Variants in EXOC6B observed in about 807,000 individuals in gnomAD.
The protein encoded by EXOC6B is exocyst complex component 6B.
A neutral mutation model predicts 113.5 loss-of-function variants in EXOC6B; 54 were observed. The observed-to-expected ratio is 0.48, with a 90% CI of 0.38 to 0.60. The LOEUF is 0.60. Among genes scored for constraint, EXOC6B ranks in the 20% least tolerant of loss-of-function variants. The pLI is 0.00. For synonymous variants in EXOC6B, 357 were observed against 339.0 expected (o/e 1.05, Z -0.58); for missense variants, 797 against 977.5 (o/e 0.82, Z 2.46).
intron 17 of EXOC6B, among the ~76,000 whole-genome samples, chr2:72,468,508 G>C (rs1456021131): frequency 6.6e-6 from 1 of 152,140 alleles, no homozygotes; most frequent in Non-Finnish European, 1.5e-5. Context: ...TGGTCTGTAT[G>C]TTTTTACGCC....
intron 6 of EXOC6B, among the ~76,000 whole-genome samples, chr2:72,587,759 T>C (rs1051762311): frequency 4.0e-4 from 61 of 152,148 alleles, no homozygotes; most frequent in Admixed American, 2.0e-4. Context: ...GGAGAAAATA[T>C]TCACTAATCA....
At chr2:72,268,908 A>G (rs1684305005) in intron 20 of EXOC6B, among the ~76,000 whole-genome samples, 1 of 152,164 alleles carries the variant, frequency 6.6e-6, no homozygotes, top group Non-Finnish European at 1.5e-5. Context: ...CTACAGAACA[A>G]TGAACCAATT....
intron 5 of EXOC6B, among the ~76,000 whole-genome samples, chr2:72,729,130 C>A (rs1031350927): frequency 6.6e-6 from 1 of 151,830 alleles, no homozygotes; most frequent in Non-Finnish European, 1.5e-5. Flanking sequence ...CTTTTTTAGA[C>A]ACAAAACAAA....
intron 18 of EXOC6B, among the ~76,000 whole-genome samples, chr2:72,394,148 T>C (rs1692571485): frequency 6.6e-6 from 1 of 152,206 alleles, no homozygotes; most frequent in African/African-American, 2.4e-5. Flanking sequence ...TTATTACAAC[T>C]TTTATTCCTA....
At chr2:72,627,496 GT>G (rs1434806670) in intron 6 of EXOC6B, among the ~76,000 whole-genome samples, 5 of 152,190 alleles carry the variant, frequency 3.3e-5, no homozygotes, top group East Asian at 1.9e-4. Context: ...TGATAGGTAA[GT>G]TTTTTGGATA....
intron 1 of EXOC6B, among the ~76,000 whole-genome samples, chr2:72,781,389 G>A (rs1272988068): frequency 3.3e-5 from 5 of 152,152 alleles, no homozygotes; most frequent in Non-Finnish European, 7.3e-5. Flanking sequence ...AGTCCATTGT[G>A]GGTCAGCAGG....
Position 72,443,055 on chromosome 2 carries a change from G to C in EXOC6B, c.1980+22105C>G, listed in dbSNP as rs183356298. On this transcript the variant is annotated intron_variant, in intron 18 of 21. Coordinates refer to ENST00000272427, the MANE Select transcript of EXOC6B (RefSeq NM_015189.3). Reference sequence around the variant, plus strand: ...AAGAAAAGACACATAGGCAGGGCGCGGTGCCTCACGCCTGTAATCCCAGCA... The same window carrying C: ...AAGAAAAGACACATAGGCAGGGCGCCGTGCCTCACGCCTGTAATCCCAGCA... 6.2e-4 allele frequency among the ~76,000 whole-genome samples: 95 copies of C among 152,106 alleles called. 4 individuals carry two copies. In the East Asian group the frequency reaches 0.014, roughly 22 times the overall value.
At chr2:72,516,536 CG>C (rs1375347236) in intron 8 of EXOC6B, among the ~76,000 whole-genome samples, 3 of 152,104 alleles carry the variant, frequency 2.0e-5, no homozygotes, top group Admixed American at 6.6e-5. Flanking sequence ...CCACCACGCC[CG>C]GCCCTGAATT....
At chr2:72,766,087 T>C (rs1573760614) in intron 1 of EXOC6B, among the ~76,000 whole-genome samples, 2 of 152,140 alleles carry the variant, frequency 1.3e-5, no homozygotes, top group South Asian at 2.1e-4. Context: ...TTAGGTAGTA[T>C]TGAGGTATAA....
chr2:72,498,672 A>G (rs1205290155), intron 12 of EXOC6B, 121 bp from the exon 13 acceptor site: 4 of 600,652 alleles, frequency 6.7e-6, no homozygotes, highest in Non-Finnish European at 8.6e-6. Context: ...TTTGAACAGC[A>G]AATTAAATAA....
chr2:72,717,985 C>A, intron 6 of EXOC6B, 118 bp downstream of exon 6: 1 of 698,866 alleles, frequency 1.4e-6, no homozygotes, highest in Non-Finnish European at 2.3e-6. Context: ...TGAAGGACTT[C>A]CCTAAAATGA....
At chr2:72,273,773 G>A (rs1307743967) in intron 20 of EXOC6B, among the ~76,000 whole-genome samples, 1 of 152,126 alleles carries the variant, frequency 6.6e-6, no homozygotes, top group Non-Finnish European at 1.5e-5. Flanking sequence ...CTTCCTTGGA[G>A]GTGATAGACC....
intron 6 of EXOC6B, among the ~76,000 whole-genome samples, chr2:72,642,488 G>A (rs562275478): frequency 0.05 from 7,173 of 144,154 alleles, 251 homozygotes; most frequent in Non-Finnish European, 0.081. Context: ...ATCTTTGACA[G>A]ACCTGAGAAA....
At chr2:72,566,696 G>GT (rs1003776113) in intron 7 of EXOC6B, among the ~76,000 whole-genome samples, 3 of 151,870 alleles carry the variant, frequency 2.0e-5, no homozygotes, top group South Asian at 2.1e-4. Context: ...GGTAATGTCA[G>GT]TTTTTTTTAT....
intron 6 of EXOC6B, among the ~76,000 whole-genome samples, chr2:72,665,277 T>C (rs1675309468): frequency 6.6e-6 from 1 of 152,104 alleles, no homozygotes. Context: ...GGAAAAAATA[T>C]TTGAAGATAT....
intron 7 of EXOC6B, among the ~76,000 whole-genome samples, chr2:72,559,778 G>A (rs1228746489): frequency 6.6e-6 from 1 of 152,178 alleles, no homozygotes; most frequent in African/African-American, 2.4e-5. Context: ...GAAACAGGTG[G>A]CACCAATCCT....
chr2:72,544,168 A>G (rs1702772694), intron 8 of EXOC6B, among the ~76,000 whole-genome samples: 1 of 152,228 alleles, frequency 6.6e-6, no homozygotes, highest in African/African-American at 2.4e-5. Context: ...CAAGAGGAAT[A>G]GTGTCTAAAT....
chr2:72,675,756 T>A (rs1676252512), intron 6 of EXOC6B, among the ~76,000 whole-genome samples: 1 of 151,100 alleles, frequency 6.6e-6, no homozygotes, highest in East Asian at 2.0e-4. Context: ...ATCACACCAC[T>A]GCACTCTAGC....
chr2:72,339,499 A>C (rs1037418734), intron 19 of EXOC6B, among the ~76,000 whole-genome samples: 12 of 152,104 alleles, frequency 7.9e-5, no homozygotes, highest in African/African-American at 2.9e-4. Flanking sequence ...GGGAGACTGA[A>C]TCAAAGTTCA....
Sources: gnomAD v4.1 joint callset for allele counts (sites outside exome capture counted in the v4.1 genomes callset) on GRCh38, gnomAD v4.1.1 for gene constraint, MANE v1.5 for transcripts, NCBI Gene and HGNC (gene_info 2026-07-23, HGNC 2026-07-21) for gene names.